PKHD1: variants seen among roughly 807,000 people sequenced by gnomAD.
PKHD1 encodes PKHD1 ciliary IPT domain containing fibrocystin/polyductin, also known as fibrocystin.
A neutral mutation model predicts 412.0 loss-of-function variants in PKHD1; 291 were observed. The observed-to-expected ratio is 0.71, with a 90% CI of 0.64 to 0.78. PKHD1 has a LOEUF of 0.78. PKHD1 is among the 30% of genes least tolerant of loss of function. The probability of loss-of-function intolerance (pLI) is 0.00; values close to 1 mark genes in which losing one functional copy is unlikely to be tolerated. For synonymous variants in PKHD1, 1,777 were observed against 1,821.5 expected (o/e 0.98, Z 0.62); for missense variants, 4,825 against 4,950.7 (o/e 0.97, Z 0.76).
chr6:51,830,408 C>T (rs1025322645), intron 52 of PKHD1, among the ~76,000 whole-genome samples: 2 of 152,144 alleles, frequency 1.3e-5, no homozygotes, highest in Non-Finnish European at 2.9e-5. Flanking sequence ...TACTTCTCGG[C>T]AATTTTCAAA....
chr6:51,701,078 G>A (rs1160493834), intron 60 of PKHD1, among the ~76,000 whole-genome samples: 2 of 151,994 alleles, frequency 1.3e-5, no homozygotes, highest in Admixed American at 6.6e-5. Context: ...AAATTATTAT[G>A]GGACTTTCCT....
At chr6:51,852,708 T>A (rs887257759) in intron 49 of PKHD1, among the ~76,000 whole-genome samples, 2 of 151,922 alleles carry the variant, frequency 1.3e-5, no homozygotes, top group Admixed American at 6.6e-5. Flanking sequence ...GTTTGTTTTA[T>A]CAGAGACTAG....
Position 51,906,282 on chromosome 6 carries a change from G to A in PKHD1, c.6741C>T (p.Cys2247=), listed in dbSNP as rs750190287. The change falls in exon 41 of 67, where the codon TGC becomes TGT. Residue 2247 remains cysteine, a synonymous_variant. Transcript: ENST00000371117. Reference sequence around the variant, plus strand: ...TGTCCACCTTCAGGCCCAAGGTCCCGCACATGCTGAGGCCTCTACTGAAGG... The same window carrying A: ...TGTCCACCTTCAGGCCCAAGGTCCCACACATGCTGAGGCCTCTACTGAAGG... The part of the protein sequence containing the change: ...RNSFSRGLSM[C]GTLGLKVDSN... 3.7e-6 allele frequency: 6 copies of A among 1,608,170 alleles called. No homozygotes were observed. Among genetic ancestry groups the A allele is most frequent in the South Asian group, 3.3e-5 (3 of 90,964 alleles).
intron 51 of PKHD1, among the ~76,000 whole-genome samples, chr6:51,832,905 T>A (rs901539799): frequency 6.6e-5 from 10 of 152,122 alleles, no homozygotes. Flanking sequence ...GTACAAAATA[T>A]ACCACACACC....
intron 33 of PKHD1, among the ~76,000 whole-genome samples, chr6:52,018,474 G>A (rs941069031): frequency 1.5e-4 from 23 of 151,960 alleles, no homozygotes; most frequent in African/African-American, 3.4e-4. Flanking sequence ...TTTCACTGTC[G>A]TCTTAATCTG....
chr6:51,633,399 A>C (rs1018857640), intron 64 of PKHD1, among the ~76,000 whole-genome samples: 1 of 152,208 alleles, frequency 6.6e-6, no homozygotes, highest in Non-Finnish European at 1.5e-5. Flanking sequence ...ACCTATCTGC[A>C]TAAAAACACA....
chr6:51,988,240 AATAAGCT>A (rs1796444502), intron 35 of PKHD1, among the ~76,000 whole-genome samples: 1 of 152,214 alleles, frequency 6.6e-6, no homozygotes, highest in Non-Finnish European at 1.5e-5. Flanking sequence ...TACATATATT[AATAAGCT>A]ATACACTTAA....
intron 59 of PKHD1, 92 bp downstream of exon 59, chr6:51,746,629 T>A (rs1261081987): frequency 1.3e-5 from 11 of 824,558 alleles, no homozygotes; most frequent in Middle Eastern, 3.1e-4. Context: ...ATTTCTTTGA[T>A]GATTTTATTC....
In PKHD1 at chr6:51,807,651, A is replaced by G. The variant is rs192685553; in HGVS notation, c.8303-16278T>C. On this transcript the variant is annotated intron_variant, in intron 52 of 66. Transcript: ENST00000371117. ...CGTAAGAATGAGTGACTGCTGTATA[A>G]ATACATAAAATAGTTAATGAAATTA... Among the ~76,000 whole-genome samples, 112 of 151,912 alleles carry G rather than the reference A, an allele frequency of 7.4e-4. 1 individual carries two copies. Among genetic ancestry groups the G allele is most frequent in the African/African-American group, 2.3e-3 (95 of 41,424 alleles).
chr6:51,887,061 A>G (rs901616972), intron 44 of PKHD1, 72 bp downstream of exon 44: 5 of 969,828 alleles, frequency 5.2e-6, no homozygotes, highest in Non-Finnish European at 8.4e-6. Flanking sequence ...AAGTGCTCTC[A>G]TTGTGAGCAT....
At chr6:52,015,444 C>T (rs546217835) in intron 34 of PKHD1, among the ~76,000 whole-genome samples, 4 of 152,282 alleles carry the variant, frequency 2.6e-5, no homozygotes, top group South Asian at 4.2e-4. Context: ...GCAAAAAGAC[C>T]GCTGCCAGTT....
chr6:51,859,847 A>G (rs1247614269), intron 48 of PKHD1, among the ~76,000 whole-genome samples: 1 of 152,192 alleles, frequency 6.6e-6, no homozygotes, highest in Non-Finnish European at 1.5e-5. Flanking sequence ...TGCTAGCAAT[A>G]ATTTGGTTCT....
intron 51 of PKHD1, among the ~76,000 whole-genome samples, chr6:51,835,840 T>C (rs1221081342): frequency 6.6e-6 from 1 of 152,198 alleles, no homozygotes; most frequent in Non-Finnish European, 1.5e-5. Context: ...TTAAAAGAAA[T>C]CTCTGCGTTT....
At chr6:52,036,570 A>G (rs1009609427) in intron 27 of PKHD1, among the ~76,000 whole-genome samples, 4 of 152,166 alleles carry the variant, frequency 2.6e-5, no homozygotes, top group African/African-American at 9.7e-5. Flanking sequence ...AAGCAAGACT[A>G]CTTTCAAGCA....
chr6:52,014,193 G>A (rs1186912870), intron 34 of PKHD1, among the ~76,000 whole-genome samples: 4 of 152,208 alleles, frequency 2.6e-5, no homozygotes, highest in Admixed American at 6.5e-5. Context: ...CATAAAACTC[G>A]ACAGTTCTTT....
intron 14 of PKHD1, 108 bp downstream of exon 14, chr6:52,062,411 G>T: frequency 1.8e-6 from 2 of 1,121,030 alleles, no homozygotes; most frequent in Non-Finnish European, 2.7e-6. Context: ...GAATTGGCTA[G>T]TGTTATAAAT....
intron 5 of PKHD1, among the ~76,000 whole-genome samples, chr6:52,077,257 T>C (rs368126149): frequency 1.3e-5 from 2 of 152,120 alleles, no homozygotes; most frequent in African/African-American, 4.8e-5. Context: ...TAGGCATCTG[T>C]GTTAGTCTAA....
chr6:51,832,693 T>C (rs1371518928), intron 51 of PKHD1, among the ~76,000 whole-genome samples: 3 of 152,024 alleles, frequency 2.0e-5, no homozygotes, highest in Non-Finnish European at 4.4e-5. Context: ...GAAGCTGTAT[T>C]TGAAACTCTG....
intron 37 of PKHD1, among the ~76,000 whole-genome samples, chr6:51,924,814 A>T (rs1402991264): frequency 1.3e-5 from 2 of 152,210 alleles, no homozygotes; most frequent in African/African-American, 4.8e-5. Context: ...CCATCTTTAG[A>T]CTAATAATGG....
Sources: allele counts gnomAD v4.1 joint callset (sites outside exome capture counted in the v4.1 genomes callset), GRCh38; gene constraint gnomAD v4.1.1; transcripts MANE v1.5; gene names NCBI Gene and HGNC (gene_info 2026-07-23, HGNC 2026-07-21).